Variants in UQCRC2 observed in about 807,000 individuals in gnomAD.
UQCRC2 encodes the protein cytochrome b-c1 complex subunit 2, mitochondrial.
Under a neutral mutation model 55.6 loss-of-function variants are expected in UQCRC2, and 49 were observed. The observed-to-expected ratio is 0.88, with a 90% CI of 0.70 to 1.12. The LOEUF (loss-of-function observed/expected upper bound fraction) is 1.12, where lower values mean the gene tolerates loss of function less well. Among genes scored for constraint, UQCRC2 ranks in the 50% most tolerant of loss-of-function variants. The probability of loss-of-function intolerance (pLI) is 0.00; values close to 1 mark genes in which losing one functional copy is unlikely to be tolerated. For synonymous variants in UQCRC2, 193 were observed against 192.0 expected (o/e 1.01, Z -0.04); for missense variants, 506 against 547.8 (o/e 0.92, Z 0.76).
intron 8 of UQCRC2, 63 bp from the exon 9 acceptor site, chr16:21,971,462 A>T: frequency 9.6e-6 from 13 of 1,359,076 alleles, no homozygotes; most frequent in Non-Finnish European, 1.2e-5. Flanking sequence ...CAAGGAAAAA[A>T]TATTTTACGA....
rs745649061 is a variant in UQCRC2 at position 21,973,892 on chromosome 16, T to C, written c.967-4T>C. 1.2e-6 allele frequency: 2 copies of C among 1,612,710 alleles called. No individual in the cohort carries two copies. The highest frequency in any genetic ancestry group is 1.7e-6 in the Non-Finnish European group (2 of 1,179,318). ...TCATACAGTAAAGTCTCATTATCTT[T>C]CAGGTTTCTGCATTTAATGCCAGTT... On this transcript the variant is annotated splice_polypyrimidine_tract_variant and splice_region_variant and intron_variant, in intron 10 of 13. Transcript: ENST00000268379.
At chr16:21,976,482 A>C (rs186896508) in intron 12 of UQCRC2, 5 of 396,794 alleles carry the variant, frequency 1.3e-5, no homozygotes, top group Admixed American at 1.2e-4. Flanking sequence ...ATTTGAGACC[A>C]GGAGTTTGAG....
intron 8 of UQCRC2, among the ~76,000 whole-genome samples, chr16:21,969,992 C>A (rs1243388199): frequency 6.6e-6 from 1 of 152,122 alleles, no homozygotes; most frequent in African/African-American, 2.4e-5. Context: ...CCTCAGCCTC[C>A]TAAGTAGCAA....
chr16:21,979,881 A>G (rs1898674150), intron 12 of UQCRC2, among the ~76,000 whole-genome samples: 1 of 152,184 alleles, frequency 6.6e-6, no homozygotes, highest in Non-Finnish European at 1.5e-5. Flanking sequence ...AAACATCATT[A>G]TGTAGTACAT....
chr16:21,961,626 T>TTATA (rs67999727), intron 4 of UQCRC2, among the ~76,000 whole-genome samples: 2,715 of 63,716 alleles, frequency 0.043, 130 homozygotes, highest in Non-Finnish European at 0.057. Context: ...AACATAAAAT[T>TTATA]TATATATATA....
rs1898214952 is a variant in UQCRC2 at position 21,961,910 on chromosome 16, C to T, written c.333-550C>T. 2.0e-5 allele frequency among the ~76,000 whole-genome samples: 3 copies of T among 151,810 alleles called. No individual in the cohort carries two copies. The South Asian group carries it at 6.2e-4, about 31-fold the overall frequency. On this transcript the variant is annotated intron_variant, in intron 4 of 13. Coordinates refer to ENST00000268379, the MANE Select transcript of UQCRC2 (RefSeq NM_003366.4). ...TCAAGTGATCCGCCCACCTCGGCCT[C>T]CCAAAGTGCTGGGATTACAGGTGTG... is the stretch of plus-strand genomic sequence containing the variant.
At chr16:21,973,864 A>G (rs1677471330) in intron 10 of UQCRC2, 32 bp from the exon 11 acceptor site, 3 of 1,601,294 alleles carry the variant, frequency 1.9e-6, no homozygotes, top group African/African-American at 1.3e-5. Flanking sequence ...ACTTGGTAGA[A>G]TATCATACAG....
At chr16:21,953,804 AC>A (rs1443048610) in intron 1 of UQCRC2, among the ~76,000 whole-genome samples, 1 of 152,058 alleles carries the variant, frequency 6.6e-6, no homozygotes, top group Non-Finnish European at 1.5e-5. Context: ...TTAGCCCCCC[AC>A]CTTCACTTTA....
chr16:21,954,109 G>A (rs1216273932), intron 1 of UQCRC2, among the ~76,000 whole-genome samples: 2 of 152,176 alleles, frequency 1.3e-5, no homozygotes, highest in Non-Finnish European at 2.9e-5. Flanking sequence ...TTATATCACT[G>A]TGGGACAGTG....
intron 7 of UQCRC2, among the ~76,000 whole-genome samples, chr16:21,966,286 A>C (rs1898325485): frequency 6.6e-6 from 1 of 152,062 alleles, no homozygotes; most frequent in African/African-American, 2.4e-5. Context: ...ATCCTCGCTC[A>C]CTCATTCACG....
In UQCRC2 at chr16:21,980,542, G is replaced by C. The variant is rs368999516; in HGVS notation, c.1125-5G>C. 13 of 1,612,238 alleles carry C rather than the reference G, an allele frequency of 8.1e-6. No individual in the cohort carries two copies. In the African/African-American group the frequency reaches 1.6e-4, roughly 20 times the overall value. On this transcript the variant is annotated splice_polypyrimidine_tract_variant and splice_region_variant and intron_variant, in intron 12 of 13. Transcript: ENST00000268379. ...TAAAACTGACTTCTGCCTTTTATTG[G>C]ACAGGAACAAGCTGAAAGCTGGATA...
At chr16:21,972,361 T>C (rs1473572884) in intron 10 of UQCRC2, among the ~76,000 whole-genome samples, 2 of 152,190 alleles carry the variant, frequency 1.3e-5, no homozygotes, top group African/African-American at 4.8e-5. Flanking sequence ...TGCTTAGAAA[T>C]AAAGGGAATC....
At chr16:21,958,695 T>A in intron 4 of UQCRC2, 96 bp downstream of exon 4, 2 of 1,021,948 alleles carry the variant, frequency 2.0e-6, no homozygotes, top group Non-Finnish European at 2.9e-6. Context: ...GAGGATTTCT[T>A]AAGCAACATA....
intron 10 of UQCRC2, among the ~76,000 whole-genome samples, chr16:21,973,642 T>A (rs1428953043): frequency 2.0e-5 from 3 of 152,156 alleles, no homozygotes. Flanking sequence ...TAAAGCAGGT[T>A]AGAAAATACC....
At chr16:21,982,566 T>C (rs1259139521) in intron 13 of UQCRC2, among the ~76,000 whole-genome samples, 2 of 152,204 alleles carry the variant, frequency 1.3e-5, no homozygotes, top group African/African-American at 4.8e-5. Flanking sequence ...AATGGGACTT[T>C]CAGAGAAACA....
intron 12 of UQCRC2, chr16:21,980,298 G>A (rs1394362998): frequency 4.6e-6 from 2 of 433,158 alleles, no homozygotes; most frequent in African/African-American, 4.0e-5. Flanking sequence ...ACCCACAAAT[G>A]GAGGCCAAAG....
intron 6 of UQCRC2, among the ~76,000 whole-genome samples, chr16:21,964,537 C>T (rs1311927220): frequency 6.6e-6 from 1 of 152,192 alleles, no homozygotes; most frequent in Non-Finnish European, 1.5e-5. Context: ...AGCTGCAATT[C>T]CCATTTGAAT....
At chr16:21,968,199 G>A (rs1480458001) in intron 7 of UQCRC2, among the ~76,000 whole-genome samples, 2 of 151,852 alleles carry the variant, frequency 1.3e-5, no homozygotes, top group Non-Finnish European at 2.9e-5. Context: ...TCAGGATTTC[G>A]CTGTGTTGCC....
intron 9 of UQCRC2, 42 bp from the exon 10 acceptor site, chr16:21,971,881 C>A: frequency 6.2e-7 from 1 of 1,608,960 alleles, no homozygotes; most frequent in Non-Finnish European, 8.5e-7. Context: ...CAATGGTGAA[C>A]AAGCCATTTT....
Sources: gnomAD v4.1 joint callset for allele counts (sites outside exome capture counted in the v4.1 genomes callset) on GRCh38, gnomAD v4.1.1 for gene constraint, MANE v1.5 for transcripts, NCBI Gene and HGNC (gene_info 2026-07-23, HGNC 2026-07-21) for gene names.